Variants in MAMLD1 observed in about 807,000 individuals in gnomAD.
MAMLD1 encodes mastermind-like domain-containing protein 1.
MAMLD1 carries 14 observed loss-of-function variants against 45.0 expected under a neutral mutation model. The ratio of observed to expected loss-of-function variants is 0.31; its 90% CI spans 0.21 to 0.49. The LOEUF (loss-of-function observed/expected upper bound fraction) is 0.49. MAMLD1 is among the 20% of genes least tolerant of loss of function. MAMLD1 has a pLI of 0.99. For missense variants in MAMLD1, 543 were observed against 603.6 expected (o/e 0.90, Z 1.05); for synonymous variants, 254 against 247.8 (o/e 1.02, Z -0.24).
At chrX:150,415,841 C>T (rs961900863) in intron 1 of MAMLD1, among the ~76,000 whole-genome samples, 5 of 111,784 alleles carry the variant, frequency 4.5e-5, no homozygotes, top group South Asian at 3.7e-4. Context: ...GGAATTGGAG[C>T]AAAAAAGGCT....
chrX:150,386,434 G>A (rs1557402045), intron 1 of MAMLD1, among the ~76,000 whole-genome samples: 1 of 111,024 alleles, frequency 9.0e-6, no homozygotes, highest in Non-Finnish European at 1.9e-5. Flanking sequence ...GGGGCAAGTA[G>A]ACCACTTCAA....
At chrX:150,460,024 T>C (rs1290398155) in intron 2 of MAMLD1, among the ~76,000 whole-genome samples, 2 of 112,382 alleles carry the variant, frequency 1.8e-5, no homozygotes, top group Non-Finnish European at 3.8e-5. Context: ...AGGATGATAA[T>C]GGGAATATCT....
chrX:150,486,098 G>T (rs1557407602), intron 5 of MAMLD1, among the ~76,000 whole-genome samples: 1 of 111,762 alleles, frequency 8.9e-6, no homozygotes, highest in Non-Finnish European at 1.9e-5. Context: ...CCAGCGGTTG[G>T]GTGGACTTCA....
At chrX:150,481,960 AGAAAAAAGAAAGAAAGAAAGAAAGAAAG>A (rs1280109973) in intron 5 of MAMLD1, among the ~76,000 whole-genome samples, 227 of 92,791 alleles carry the variant, frequency 2.4e-3, no homozygotes, top group African/African-American at 8.5e-3. Context: ...AAAGAAAGAA[AGAAAAAAGAAAGAAAGAAAGAAAGAAAG>A]AAAGAAAGAA....
intron 6 of MAMLD1, 154 bp from the exon 7 acceptor site, chrX:150,509,808 G>A (rs912913081): frequency 8.1e-5 from 40 of 490,985 alleles, no homozygotes; most frequent in African/African-American, 7.3e-4. Context: ...AATTTTGCTC[G>A]AGAGGGTGGG....
intron 5 of MAMLD1, among the ~76,000 whole-genome samples, chrX:150,479,424 A>G (rs782019896): frequency 5.3e-5 from 6 of 112,327 alleles, no homozygotes; most frequent in African/African-American, 1.6e-4. Context: ...TGAAGAGGCA[A>G]TCATTTTCAG....
At chrX:150,398,343 G>GAAGAAGAAGAAGAA (rs1569564636) in intron 1 of MAMLD1, among the ~76,000 whole-genome samples, 4 of 56,448 alleles carry the variant, frequency 7.1e-5, no homozygotes, top group Non-Finnish European at 1.1e-4. Flanking sequence ...AAGAAGAAGA[G>GAAGAAGAAGAAGAA]GAAGAGGAAG....
At chrX:150,387,052 C>T (rs186874564) in intron 1 of MAMLD1, among the ~76,000 whole-genome samples, 1,233 of 111,293 alleles carry the variant, frequency 0.011, 3 homozygotes, top group Non-Finnish European at 0.018. Context: ...ATCTTAAACT[C>T]TTTTATTCCT....
chrX:150,386,273 C>A lies in MAMLD1; in HGVS notation c.-64+22743C>A, dbSNP rs193210295. ...TTTTTCTAAACAATTATGGCATATT[C>A]AATAGTGTAATCCTTCCAGACTTTC... On this transcript the variant is annotated intron_variant, in intron 1 of 7. Coordinates refer to ENST00000370401, the MANE Select transcript of MAMLD1 (RefSeq NM_005491.5). 1.9e-4 allele frequency among the ~76,000 whole-genome samples: 21 copies of A among 111,768 alleles called. No homozygotes were observed. In the East Asian group the frequency reaches 5.9e-3, roughly 32 times the overall value.
At chrX:150,386,846 T>C (rs1165512806) in intron 1 of MAMLD1, among the ~76,000 whole-genome samples, 1 of 111,410 alleles carries the variant, frequency 9.0e-6, no homozygotes, top group Non-Finnish European at 1.9e-5. Context: ...TTCATCTGCA[T>C]TAAATCCTGT....
rs1452495003 is a variant in MAMLD1 at position 150,514,153 on chromosome X, T to C, written c.*2194T>C. ...GCCAGTGTGTTTTTTCTTCGTTCTG[T>C]AATAAACAGCCAGGAGAAAAGTGCC... On this transcript the variant is annotated 3_prime_UTR_variant, in exon 8 of 8. Transcript: ENST00000370401. 5.0e-6 allele frequency: 1 copy of C among 199,802 alleles called. No homozygotes were observed. Among genetic ancestry groups the C allele is most frequent in the East Asian group, 8.6e-5 (1 of 11,592 alleles). 16.5% of individuals were successfully genotyped at this position (199,802 alleles called of 1,213,427 possible). A position where few individuals can be genotyped will look rare whatever the true frequency, so the allele number is the denominator to read the frequency against.
chrX:150,425,264 G>A (rs1557403764), intron 1 of MAMLD1, among the ~76,000 whole-genome samples: 1 of 111,383 alleles, frequency 9.0e-6, no homozygotes, highest in African/African-American at 3.3e-5. Flanking sequence ...ATATCTAGGA[G>A]TGGAATTGTA....
intron 5 of MAMLD1, among the ~76,000 whole-genome samples, chrX:150,481,886 GAGAA>G (rs782578251): frequency 9.1e-4 from 86 of 95,008 alleles, no homozygotes; most frequent in African/African-American, 2.7e-3. Context: ...AAAAGAAAGA[GAGAA>G]AGAAAGAAAG....
Position 150,471,250 on chromosome X carries a change from C to T in MAMLD1, c.1677C>T (p.Ser559=). The T allele has an allele frequency of 7.4e-6, 9 of 1,211,783 alleles. No homozygotes were observed. Among genetic ancestry groups the T allele is most frequent in the Non-Finnish European group, 8.9e-6 (8 of 895,496 alleles). Residue 559 remains serine (S), a synonymous_variant, in exon 4 of 8, where the codon TCC becomes TCT. Coordinates refer to ENST00000370401, the MANE Select transcript of MAMLD1 (RefSeq NM_005491.5). ...VSEPGPQKMP[S]MPTTSRQPSL... ...AGCCGGGTCCCCAGAAGATGCCCTC[C>T]ATGCCTACCACCTCTAGGCAGCCTT...
intron 1 of MAMLD1, among the ~76,000 whole-genome samples, chrX:150,386,960 A>G (rs1557402074): frequency 1.8e-5 from 2 of 111,662 alleles, no homozygotes; most frequent in African/African-American, 6.5e-5. Context: ...ATAAATCATA[A>G]TTAATATTAC....
intron 3 of MAMLD1, among the ~76,000 whole-genome samples, chrX:150,466,670 T>C (rs2036230152): frequency 8.9e-6 from 1 of 112,199 alleles, no homozygotes; most frequent in Admixed American, 9.4e-5. Flanking sequence ...AGTCAGTTGG[T>C]TTCTAGAATT....
At chrX:150,382,627 A>G (rs2032668230) in intron 1 of MAMLD1, among the ~76,000 whole-genome samples, 1 of 111,093 alleles carries the variant, frequency 9.0e-6, no homozygotes, top group African/African-American at 3.3e-5. Context: ...CTCCTCTTTT[A>G]TTTAGGTCTT....
chrX:150,364,160 C>T (rs1199566326), intron 1 of MAMLD1, among the ~76,000 whole-genome samples: 1 of 112,860 alleles, frequency 8.9e-6, no homozygotes, highest in Non-Finnish European at 1.9e-5. Context: ...GCCCCGGCGC[C>T]CCTGCGTCAG....
chrX:150,472,556 G>A lies in MAMLD1; in HGVS notation c.1917+1066G>A, dbSNP rs1013607463. On this transcript the variant is annotated intron_variant, in intron 4 of 7. Coordinates refer to ENST00000370401, the MANE Select transcript of MAMLD1 (RefSeq NM_005491.5). ...GGTTTCTCATGAGCTATTGGCCAGAGGCCTCCCTCAGTTCCTTGCCACACG... is the reference window on the plus strand; with the variant it reads ...GGTTTCTCATGAGCTATTGGCCAGAAGCCTCCCTCAGTTCCTTGCCACACG... Among the ~76,000 whole-genome samples the A allele has an allele frequency of 5.4e-5, 6 of 112,140 alleles. No individual in the cohort carries two copies. The Middle Eastern group carries it at 0.013, about 235-fold the overall frequency.
Sources: allele counts gnomAD v4.1 joint callset (sites outside exome capture counted in the v4.1 genomes callset), GRCh38; gene constraint gnomAD v4.1.1; transcripts MANE v1.5; gene names NCBI Gene and HGNC (gene_info 2026-07-23, HGNC 2026-07-21).